The following PARD3B variants were observed in gnomAD, a reference collection of about 807,000 sequenced individuals.
The protein encoded by PARD3B is partitioning defective 3 homolog B.
A neutral mutation model predicts 130.2 loss-of-function variants in PARD3B; 103 were observed. The ratio of observed to expected loss-of-function variants is 0.79; its 90% confidence interval spans 0.67 to 0.93. The LOEUF is 0.93. PARD3B is among the 40% of genes least tolerant of loss of function. The pLI, the probability that PARD3B is intolerant of heterozygous loss-of-function variation, is 0.00. For missense variants in PARD3B, 1,609 were observed against 1,499.2 expected (o/e 1.07, Z -1.21); for synonymous variants, 583 against 553.2 (o/e 1.05, Z -0.76).
chr2:205,100,511 A>C (rs1354009565), intron 4 of PARD3B, among the ~76,000 whole-genome samples: 1 of 152,024 alleles, frequency 6.6e-6, no homozygotes, highest in East Asian at 1.9e-4. Flanking sequence ...GAAATGCAAG[A>C]GACCCAGCAT....
chr2:205,556,998 C>A (rs180986536), intron 22 of PARD3B, among the ~76,000 whole-genome samples: 3 of 152,178 alleles, frequency 2.0e-5, no homozygotes, highest in African/African-American at 4.8e-5. Context: ...CCATCTCAAG[C>A]CTCCATCATT....
chr2:204,888,414 T>C (rs1171588038), intron 2 of PARD3B, among the ~76,000 whole-genome samples: 1 of 151,966 alleles, frequency 6.6e-6, no homozygotes, highest in Non-Finnish European at 1.5e-5. Flanking sequence ...GATGAGGCCT[T>C]GAAGTTGACA....
intron 2 of PARD3B, among the ~76,000 whole-genome samples, chr2:204,956,107 CTTAT>C (rs1328793659): frequency 1.3e-5 from 2 of 152,174 alleles, no homozygotes; most frequent in Non-Finnish European, 2.9e-5. Context: ...GCTCTTTGGG[CTTAT>C]TTAATTGTTG....
chr2:204,604,597 G>GTT (rs1166146012), intron 1 of PARD3B, among the ~76,000 whole-genome samples: 13 of 152,258 alleles, frequency 8.5e-5, no homozygotes, highest in African/African-American at 2.9e-4. Flanking sequence ...AAACTTTAAT[G>GTT]TAAGAAGCAC....
intron 1 of PARD3B, among the ~76,000 whole-genome samples, chr2:204,578,720 C>T (rs2032394214): frequency 6.6e-6 from 1 of 152,074 alleles, no homozygotes; most frequent in African/African-American, 2.4e-5. Flanking sequence ...GGCCTATTCC[C>T]CTGAGCAGTT....
At chr2:205,182,485 T>G (rs906903088) in intron 13 of PARD3B, among the ~76,000 whole-genome samples, 1 of 151,146 alleles carries the variant, frequency 6.6e-6, no homozygotes, top group African/African-American at 2.4e-5. Flanking sequence ...GTAATAAAAC[T>G]AGCTAGAGAA....
intron 18 of PARD3B, among the ~76,000 whole-genome samples, chr2:205,350,693 T>G (rs1304456021): frequency 6.6e-6 from 1 of 152,194 alleles, no homozygotes; most frequent in South Asian, 2.1e-4. Context: ...CTTCACTAAA[T>G]CATTTCTACT....
At chr2:205,168,423 T>C (rs186814802) in intron 11 of PARD3B, among the ~76,000 whole-genome samples, 214 of 152,212 alleles carry the variant, frequency 1.4e-3, no homozygotes, top group African/African-American at 5.0e-3. Flanking sequence ...GTAAAGTCAA[T>C]TGAAAGTTAA....
intron 3 of PARD3B, among the ~76,000 whole-genome samples, chr2:205,039,520 A>T (rs1698245438): frequency 6.6e-6 from 1 of 151,824 alleles, no homozygotes; most frequent in Non-Finnish European, 1.5e-5. Flanking sequence ...CCCAGGTTGG[A>T]GTGCAGTGGC....
Position 205,125,562 on chromosome 2 carries a change from A to T in PARD3B, c.1306-47A>T. 2 of 1,596,364 alleles carry T rather than the reference A, an allele frequency of 1.3e-6. No homozygotes were observed. Among genetic ancestry groups the T allele is most frequent in the Non-Finnish European group, 1.7e-6 (2 of 1,168,812 alleles). On this transcript the variant is annotated intron_variant, in intron 9 of 22. Coordinates refer to ENST00000406610, the MANE Select transcript of PARD3B (RefSeq NM_001302769.2). The surrounding 1 kb of genome is among the most constrained non-coding windows in gnomAD (Gnocchi z 4.0). ...CAAAAACTATCTAGTGTAGAAGGAG[A>T]TAACAAGTATTGTGATTGTGGCTGT...
At chr2:205,095,693 C>T (rs1375838475) in intron 4 of PARD3B, among the ~76,000 whole-genome samples, 3 of 152,130 alleles carry the variant, frequency 2.0e-5, no homozygotes, top group African/African-American at 7.2e-5. Context: ...AAGCTCACAG[C>T]TGTCTTTTGA....
At chr2:205,469,991 T>A (rs1203785770) in intron 20 of PARD3B, among the ~76,000 whole-genome samples, 1 of 152,208 alleles carries the variant, frequency 6.6e-6, no homozygotes, top group African/African-American at 2.4e-5. Context: ...TCCTGGATCA[T>A]GCATTTTCTT....
intron 2 of PARD3B, among the ~76,000 whole-genome samples, chr2:204,941,289 G>A (rs1201390138): frequency 4.6e-5 from 7 of 152,130 alleles, no homozygotes; most frequent in East Asian, 1.9e-4. Context: ...GAGGAGAATC[G>A]CTGGAGCCCG....
intron 1 of PARD3B, among the ~76,000 whole-genome samples, chr2:204,681,062 A>C (rs1022056630): frequency 6.6e-6 from 1 of 152,196 alleles, no homozygotes; most frequent in African/African-American, 2.4e-5. Flanking sequence ...TATTTTTTAA[A>C]GATCTGTTCA....
intron 21 of PARD3B, among the ~76,000 whole-genome samples, chr2:205,539,884 A>C (rs1242105068): frequency 6.6e-6 from 1 of 152,166 alleles, no homozygotes; most frequent in Non-Finnish European, 1.5e-5. Flanking sequence ...AAGCCCTCTT[A>C]GCCAAAGAAG....
chr2:204,571,884 T>C (rs1385960849), intron 1 of PARD3B, among the ~76,000 whole-genome samples: 1 of 152,188 alleles, frequency 6.6e-6, no homozygotes. Context: ...AAATAATGTG[T>C]GTGTGTAATT....
intron 1 of PARD3B, among the ~76,000 whole-genome samples, chr2:204,562,121 A>G (rs938159436): frequency 6.6e-6 from 1 of 152,166 alleles, no homozygotes; most frequent in Admixed American, 6.5e-5. Context: ...TCAGGAGAGT[A>G]CTTACCTTTG....
At chr2:204,745,134 G>C (rs557645307) in intron 2 of PARD3B, among the ~76,000 whole-genome samples, 1 of 152,128 alleles carries the variant, frequency 6.6e-6, no homozygotes, top group Non-Finnish European at 1.5e-5. Flanking sequence ...ATGGAGGATA[G>C]AAGATGGAAT....
rs187911815 is a variant in PARD3B at position 204,650,024 on chromosome 2, G to A, written c.121-36157G>A. 6.6e-5 allele frequency among the ~76,000 whole-genome samples: 10 copies of A among 152,118 alleles called. No homozygotes were observed. In the South Asian group the frequency reaches 1.0e-3, roughly 16 times the overall value. On this transcript the variant is annotated intron_variant, in intron 1 of 22. Transcript: ENST00000406610. Reference sequence around the variant, plus strand: ...ATTTGAAAACTATGCATCTGACAAAGGGCTAATATCCAGTATATATAAGGA... The same window carrying A: ...ATTTGAAAACTATGCATCTGACAAAAGGCTAATATCCAGTATATATAAGGA...
Sources: gnomAD v4.1 joint callset for allele counts (sites outside exome capture counted in the v4.1 genomes callset) on GRCh38, gnomAD v4.1.1 for gene constraint, Gnocchi (gnomAD v3.1) non-coding constraint, MANE v1.5 for transcripts, NCBI Gene and HGNC (gene_info 2026-07-23, HGNC 2026-07-21) for gene names.